Variants in TMTC1 observed in about 807,000 individuals in gnomAD.
TMTC1 encodes the protein protein O-mannosyl-transferase TMTC1.
TMTC1 carries 73 observed loss-of-function variants against 104.8 expected under a neutral mutation model. The ratio of observed to expected loss-of-function variants is 0.70; its 90% confidence interval spans 0.58 to 0.85. TMTC1 has a LOEUF of 0.85. Ranked by LOEUF, TMTC1 falls within the 40% of genes least tolerant of loss-of-function variation. The pLI is 0.00. For synonymous variants in TMTC1, 434 were observed against 428.7 expected, an observed-to-expected ratio of 1.01 and a Z score of -0.15; for missense variants, 1,035 against 1,096.1, an observed-to-expected ratio of 0.94 and a Z score of 0.79.
intron 11 of TMTC1, among the ~76,000 whole-genome samples, chr12:29,524,066 T>G (rs943339538): frequency 5.9e-5 from 9 of 152,210 alleles, no homozygotes; most frequent in African/African-American, 1.9e-4. Flanking sequence ...TTATTGGTTA[T>G]GATGTCTTTA....
chr12:29,530,068 T>C (rs1944457935), intron 11 of TMTC1: 1 of 152,198 alleles, frequency 6.6e-6, no homozygotes, highest in Admixed American at 6.5e-5. Context: ...CTTTAGACTT[T>C]TCTCATGCCA....
chr12:29,737,878 G>A (rs1942723186), intron 5 of TMTC1, among the ~76,000 whole-genome samples: 1 of 152,148 alleles, frequency 6.6e-6, no homozygotes, highest in East Asian at 1.9e-4. Context: ...CTTACAATAG[G>A]CATTCCACAG....
intron 3 of TMTC1, among the ~76,000 whole-genome samples, chr12:29,756,398 T>C (rs548847005): frequency 1.4e-4 from 22 of 152,330 alleles, no homozygotes; most frequent in African/African-American, 5.3e-4. Flanking sequence ...ATCATCATTA[T>C]GGTAGTGAAG....
chr12:29,521,303 T>C lies in TMTC1; in HGVS notation c.1786-583A>G, dbSNP rs182070254. Among the ~76,000 whole-genome samples, 261 of 152,316 alleles carry C rather than the reference T, an allele frequency of 1.7e-3. 1 individual carries two copies. The highest frequency in any genetic ancestry group is 3.4e-3 in the Middle Eastern group (1 of 294). On this transcript the variant is annotated intron_variant, in intron 11 of 17. Transcript: ENST00000539277. ...CCCTATCCTTTCATTACTTGAAGTA[T>C]GTCTACAGCCCACCAGACTGGTGGC... is the stretch of plus-strand genomic sequence containing the variant.
At chr12:29,511,639 G>A (rs1943840324) in intron 17 of TMTC1, among the ~76,000 whole-genome samples, 1 of 152,100 alleles carries the variant, frequency 6.6e-6, no homozygotes, top group African/African-American at 2.4e-5. Flanking sequence ...GAAATAGGAA[G>A]TAATATTCTA....
intron 5 of TMTC1, among the ~76,000 whole-genome samples, chr12:29,720,859 A>G (rs1409443591): frequency 2.6e-5 from 4 of 152,210 alleles, no homozygotes; most frequent in Non-Finnish European, 5.9e-5. Flanking sequence ...GTCAACTACC[A>G]ACATGAAAAT....
intron 5 of TMTC1, among the ~76,000 whole-genome samples, chr12:29,636,602 A>T (rs1938563489): frequency 6.6e-6 from 1 of 151,874 alleles, no homozygotes; most frequent in South Asian, 2.1e-4. Context: ...GGCGGATCAC[A>T]AGGTCAAGAG....
intron 6 of TMTC1, among the ~76,000 whole-genome samples, chr12:29,618,053 G>A (rs1220910782): frequency 2.0e-5 from 3 of 152,106 alleles, no homozygotes; most frequent in Non-Finnish European, 4.4e-5. Flanking sequence ...GAGAGATGAC[G>A]GTGGCTTGGA....
intron 11 of TMTC1, among the ~76,000 whole-genome samples, chr12:29,526,561 T>C (rs963287944): frequency 6.6e-6 from 1 of 152,184 alleles, no homozygotes; most frequent in Non-Finnish European, 1.5e-5. Flanking sequence ...AGTCTCTTCA[T>C]TAGAGTTTTG....
At chr12:29,524,809 G>A (rs1944288964) in intron 11 of TMTC1, among the ~76,000 whole-genome samples, 1 of 152,168 alleles carries the variant, frequency 6.6e-6, no homozygotes, top group Admixed American at 6.5e-5. Context: ...GCATAAGACT[G>A]TCAATGTATA....
intron 17 of TMTC1, among the ~76,000 whole-genome samples, chr12:29,510,205 C>CA (rs1943794687): frequency 1.3e-5 from 2 of 152,160 alleles, no homozygotes; most frequent in Admixed American, 6.5e-5. Context: ...CAAACCTGTA[C>CA]AGCATATTAG....
At chr12:29,749,818 C>A (rs1015655086) in intron 5 of TMTC1, among the ~76,000 whole-genome samples, 1 of 152,060 alleles carries the variant, frequency 6.6e-6, no homozygotes, top group Non-Finnish European at 1.5e-5. Flanking sequence ...CTTCCTTTCC[C>A]TCTCCCCATC....
chr12:29,762,664 C>A (rs1434475975), intron 2 of TMTC1, among the ~76,000 whole-genome samples: 2 of 152,216 alleles, frequency 1.3e-5, no homozygotes, highest in Admixed American at 6.5e-5. Context: ...ATTGGCAATA[C>A]AGAGCTGAAA....
intron 5 of TMTC1, among the ~76,000 whole-genome samples, chr12:29,732,613 CTT>C (rs1351495032): frequency 6.6e-6 from 1 of 152,172 alleles, no homozygotes; most frequent in East Asian, 1.9e-4. Flanking sequence ...AAAAGAGACT[CTT>C]TATGTATTAA....
intron 5 of TMTC1, among the ~76,000 whole-genome samples, chr12:29,678,330 T>C (rs1219914989): frequency 2.0e-5 from 3 of 152,224 alleles, no homozygotes; most frequent in African/African-American, 7.2e-5. Context: ...TTCTCTGCTT[T>C]GCTTACAGTT....
intron 11 of TMTC1, among the ~76,000 whole-genome samples, chr12:29,523,771 A>C (rs1381742555): frequency 6.6e-6 from 1 of 151,990 alleles, no homozygotes; most frequent in Non-Finnish European, 1.5e-5. Context: ...TGTTTTTTGG[A>C]GGGCAGAAAG....
At chr12:29,510,611 C>T (rs1364519890) in intron 17 of TMTC1, among the ~76,000 whole-genome samples, 1 of 152,044 alleles carries the variant, frequency 6.6e-6, no homozygotes, top group Non-Finnish European at 1.5e-5. Context: ...CCCATTAACC[C>T]CTCCCATTTG....
intron 5 of TMTC1, among the ~76,000 whole-genome samples, chr12:29,748,831 A>T (rs1160643052): frequency 6.6e-6 from 1 of 152,276 alleles, no homozygotes; most frequent in Non-Finnish European, 1.5e-5. Context: ...AACAGCCATT[A>T]TTAAAAATTC....
intron 12 of TMTC1, chr12:29,519,598 C>G (rs1325086409): frequency 1.3e-5 from 2 of 152,110 alleles, no homozygotes; most frequent in Non-Finnish European, 2.9e-5. Flanking sequence ...CCCTAGGAGC[C>G]TCTGTCTCTG....
Sources: allele counts gnomAD v4.1 joint callset (sites outside exome capture counted in the v4.1 genomes callset), GRCh38; gene constraint gnomAD v4.1.1; transcripts MANE v1.5; gene names NCBI Gene and HGNC (gene_info 2026-07-23, HGNC 2026-07-21).